Variants in TAGLN3 observed in about 807,000 individuals in gnomAD.
TAGLN3 encodes the protein transgelin 3, also known as transgelin-3.
In TAGLN3, 12 loss-of-function variants were observed where a neutral mutation model predicts 25.4. The observed-to-expected ratio is 0.47, with a 90% confidence interval of 0.30 to 0.77. The LOEUF is 0.77. Ranked by LOEUF, TAGLN3 falls within the 30% of genes least tolerant of loss-of-function variation. TAGLN3 has a pLI of 0.06. For missense variants in TAGLN3, 218 were observed against 255.8 expected, an observed-to-expected ratio of 0.85 and a Z score of 1.01; for synonymous variants, 96 against 94.8, an observed-to-expected ratio of 1.01 and a Z score of -0.08.
chr3:112,004,855 G>A (rs563806043), intron 3 of TAGLN3, among the ~76,000 whole-genome samples: 6 of 152,232 alleles, frequency 3.9e-5, no homozygotes, highest in Admixed American at 6.5e-5. Context: ...CTGGTGTTGC[G>A]GGGGCGGGGG....
chr3:112,000,189 C>T (rs189170100), intron 2 of TAGLN3, among the ~76,000 whole-genome samples: 2 of 152,296 alleles, frequency 1.3e-5, no homozygotes, highest in Admixed American at 1.3e-4. Flanking sequence ...TCCTTTCCTG[C>T]AGTCTGTGAT....
chr3:112,005,052 C>T (rs1179269108), intron 3 of TAGLN3, among the ~76,000 whole-genome samples: 1 of 152,090 alleles, frequency 6.6e-6, no homozygotes, highest in Non-Finnish European at 1.5e-5. Flanking sequence ...CACAGAAGAC[C>T]CCACTACACT....
At chr3:112,010,641 T>C (rs767473988) in intron 3 of TAGLN3, among the ~76,000 whole-genome samples, 5 of 152,114 alleles carry the variant, frequency 3.3e-5, no homozygotes, top group Non-Finnish European at 7.4e-5. Flanking sequence ...ATTCCTTGAG[T>C]CTGGGGGACT....
chr3:112,003,970 C>T (rs532398586), intron 3 of TAGLN3, among the ~76,000 whole-genome samples: 114 of 152,292 alleles, frequency 7.5e-4, no homozygotes, highest in African/African-American at 2.2e-3. Flanking sequence ...TCCTTAATCC[C>T]CCCAGGTGAA....
chr3:112,013,387 T>G (rs749993814), intron 4 of TAGLN3, 23 bp from the exon 5 acceptor site: 26 of 1,603,342 alleles, frequency 1.6e-5, no homozygotes, highest in Non-Finnish European at 2.1e-5. Context: ...ATGACATTAT[T>G]CCCTCTCACT....
At chr3:111,999,879 G>C (rs1003116860) in intron 2 of TAGLN3, among the ~76,000 whole-genome samples, 4 of 152,184 alleles carry the variant, frequency 2.6e-5, no homozygotes, top group African/African-American at 9.7e-5. Context: ...TGAGAATAGA[G>C]ATAAGTATGT....
intron 3 of TAGLN3, among the ~76,000 whole-genome samples, chr3:112,006,046 A>G (rs895519077): frequency 6.6e-6 from 1 of 152,004 alleles, no homozygotes; most frequent in Non-Finnish European, 1.5e-5. Context: ...GGCGTGAGCC[A>G]CCGCGCCTGG....
At chr3:112,011,673 A>G in intron 3 of TAGLN3, 90 bp from the exon 4 acceptor site, 1 of 1,258,980 alleles carries the variant, frequency 7.9e-7, no homozygotes, top group South Asian at 1.5e-5. Flanking sequence ...GCCTTCTATC[A>G]GAACTTCCCT....
In TAGLN3 at chr3:111,999,401, G is replaced by A; in HGVS notation, c.-2-20G>A. ...TGCTGCTATTGTGTGGATGCCGCGC[G>A]TGTCTTCTCTTCTTTCCAGAGATGG... On this transcript the variant is annotated intron_variant, in intron 1 of 4. Transcript: ENST00000478951. The A allele has an allele frequency of 6.2e-7, 1 of 1,610,478 alleles. No individual in the cohort carries two copies. Among genetic ancestry groups the A allele is most frequent in the South Asian group, 1.1e-5 (1 of 90,924 alleles).
chr3:112,011,966 A>G, intron 4 of TAGLN3, 101 bp downstream of exon 4: 2 of 1,057,568 alleles, frequency 1.9e-6, no homozygotes, highest in Non-Finnish European at 2.7e-6. Context: ...GCAAAGCCCC[A>G]GGACCAAGCA....
chr3:112,013,322 C>T (rs1324873671), intron 4 of TAGLN3, 88 bp from the exon 5 acceptor site: 1 of 1,506,544 alleles, frequency 6.6e-7, no homozygotes, highest in Non-Finnish European at 8.9e-7. Context: ...ATTTGGGGAC[C>T]CCCAGCAGAG....
At chr3:112,011,914 A>G in intron 4 of TAGLN3, 49 bp downstream of exon 4, 1 of 1,574,046 alleles carries the variant, frequency 6.4e-7, no homozygotes, top group Non-Finnish European at 8.7e-7. Flanking sequence ...TTTTAACCAG[A>G]GGGAGGGTCT....
At chr3:112,008,823 T>C (rs1328162513) in intron 3 of TAGLN3, among the ~76,000 whole-genome samples, 1 of 152,230 alleles carries the variant, frequency 6.6e-6, no homozygotes, top group African/African-American at 2.4e-5. Context: ...AATCATTAAC[T>C]TAGTGTACTA....
intron 3 of TAGLN3, 91 bp downstream of exon 3, chr3:112,001,037 G>C (rs2072853095): frequency 8.7e-7 from 1 of 1,145,384 alleles, no homozygotes; most frequent in South Asian, 1.4e-5. Context: ...TCTTCCCTGT[G>C]CCGATTGATG....
intron 3 of TAGLN3, among the ~76,000 whole-genome samples, chr3:112,007,748 C>A (rs1019038143): frequency 6.6e-6 from 1 of 152,206 alleles, no homozygotes; most frequent in Non-Finnish European, 1.5e-5. Context: ...TGACTTCCAA[C>A]TTGGAACAGA....
Position 112,013,457 on chromosome 3 carries a change from A to C in TAGLN3, c.506A>C (p.Gln169Pro), listed in dbSNP as rs772190700. The C allele has an allele frequency of 6.2e-7, 1 of 1,614,042 alleles. No homozygotes were observed. The highest frequency in any genetic ancestry group is 8.5e-7 in the Non-Finnish European group (1 of 1,180,014). ...GGCTTTTCCGAGGAGCAGCTTCGCC[A>C]GGGACAGAACGTAATAGGCCTGCAG... is the stretch of plus-strand genomic sequence containing the variant. ...RRGFSEEQLR[Q>P]GQNVIGLQMG... The change falls in exon 5 of 5, where the codon CAG (glutamine) becomes CCG (proline). Residue 169 changes from glutamine to proline, a missense_variant. Gln to Pro is a moderately conservative substitution (Grantham distance 76). Coordinates refer to ENST00000478951, the MANE Select transcript of TAGLN3 (RefSeq NM_001008272.2).
At chr3:112,004,141 A>G (rs886239598) in intron 3 of TAGLN3, among the ~76,000 whole-genome samples, 1 of 152,216 alleles carries the variant, frequency 6.6e-6, no homozygotes, top group Admixed American at 6.5e-5. Context: ...ACTTGCTTTC[A>G]GTGATGGAGA....
In TAGLN3 at chr3:112,000,753, C is replaced by T. The variant is rs753696291; in HGVS notation, c.181-19C>T. The T allele has an allele frequency of 6.2e-7, 1 of 1,607,578 alleles. No individual in the cohort carries two copies. Among genetic ancestry groups the T allele is most frequent in the Non-Finnish European group, 8.5e-7 (1 of 1,175,290 alleles). ...ATACAAAGGGAAACATTGATTCTGT[C>T]TCTCCCCTCCCTCTTCAGGTCCTGT... On this transcript the variant is annotated intron_variant, in intron 2 of 4. Coordinates refer to ENST00000478951, the MANE Select transcript of TAGLN3 (RefSeq NM_001008272.2).
intron 2 of TAGLN3, among the ~76,000 whole-genome samples, chr3:111,999,896 A>C (rs2072837095): frequency 6.6e-6 from 1 of 152,144 alleles, no homozygotes. Context: ...ATGTCCTTGT[A>C]ATTTCCCCAG....
Sources: allele counts gnomAD v4.1 joint callset (sites outside exome capture counted in the v4.1 genomes callset), GRCh38; gene constraint gnomAD v4.1.1; transcripts MANE v1.5; gene names NCBI Gene and HGNC (gene_info 2026-07-23, HGNC 2026-07-21).